ZZZ3: variants seen among roughly 807,000 people sequenced by gnomAD.
ZZZ3 encodes the protein ZZ-type zinc finger-containing protein 3.
Under a neutral mutation model 95.2 loss-of-function variants are expected in ZZZ3, and 22 were observed. The ratio of observed to expected loss-of-function variants is 0.23; its 90% CI spans 0.17 to 0.33. The LOEUF is 0.33. Ranked by LOEUF, ZZZ3 falls within the 10% of genes least tolerant of loss-of-function variation. The probability of loss-of-function intolerance (pLI) is 1.00; values close to 1 mark genes in which losing one functional copy is unlikely to be tolerated. For missense variants in ZZZ3, 885 were observed against 1,066.5 expected (o/e 0.83, Z 2.37); for synonymous variants, 335 against 358.9 (o/e 0.93, Z 0.75).
At chr1:77,657,168 G>A (rs748958876) in intron 1 of ZZZ3, among the ~76,000 whole-genome samples, 3 of 152,088 alleles carry the variant, frequency 2.0e-5, no homozygotes, top group Non-Finnish European at 4.4e-5. Flanking sequence ...TTTTAGTAGA[G>A]ATGGGGTTTC....
At chr1:77,612,550 C>CA (rs1352687187) in intron 5 of ZZZ3, among the ~76,000 whole-genome samples, 1 of 152,026 alleles carries the variant, frequency 6.6e-6, no homozygotes, top group Non-Finnish European at 1.5e-5. Context: ...TGTCCATTGA[C>CA]AGACAACGGA....
chr1:77,635,401 TCAGAACTTAGAAA>T (rs1668204370), intron 4 of ZZZ3, among the ~76,000 whole-genome samples: 1 of 152,140 alleles, frequency 6.6e-6, no homozygotes, highest in African/African-American at 2.4e-5. Context: ...AAGACACAAA[TCAGAACTTAGAAA>T]CACATTTCTT....
chr1:77,670,355 G>C (rs531242301), intron 1 of ZZZ3, among the ~76,000 whole-genome samples: 1 of 151,986 alleles, frequency 6.6e-6, no homozygotes, highest in East Asian at 1.9e-4. Context: ...CGCCTCCTGG[G>C]TTCAAGCGAT....
chr1:77,592,978 T>C (rs1663864535), intron 5 of ZZZ3, among the ~76,000 whole-genome samples: 2 of 152,144 alleles, frequency 1.3e-5, no homozygotes, highest in South Asian at 4.1e-4. Flanking sequence ...TTGGGGCACT[T>C]TTGCCTGGAG....
intron 1 of ZZZ3, among the ~76,000 whole-genome samples, chr1:77,671,904 CTAT>C (rs1412777022): frequency 6.6e-6 from 1 of 151,342 alleles, no homozygotes; most frequent in African/African-American, 2.4e-5. Flanking sequence ...CAGATATATA[CTAT>C]GTTTTTTCAA....
At chr1:77,666,256 C>T (rs1212365891) in intron 1 of ZZZ3, among the ~76,000 whole-genome samples, 1 of 150,452 alleles carries the variant, frequency 6.6e-6, no homozygotes, top group African/African-American at 2.4e-5. Flanking sequence ...CATTCTGGCA[C>T]GTTGGCTTAT....
intron 12 of ZZZ3, among the ~76,000 whole-genome samples, chr1:77,574,802 T>G (rs1295937600): frequency 6.6e-6 from 1 of 152,204 alleles, no homozygotes; most frequent in African/African-American, 2.4e-5. Context: ...TAAATACATT[T>G]AGGGCCAATA....
At chr1:77,619,104 T>A (rs1267432672) in intron 5 of ZZZ3, among the ~76,000 whole-genome samples, 1 of 152,162 alleles carries the variant, frequency 6.6e-6, no homozygotes, top group East Asian at 1.9e-4. Flanking sequence ...ATTTCCCTAC[T>A]CCAGAATTTT....
chr1:77,664,349 G>A (rs905300752), intron 1 of ZZZ3, among the ~76,000 whole-genome samples: 6 of 152,016 alleles, frequency 3.9e-5, no homozygotes, highest in African/African-American at 1.4e-4. Flanking sequence ...TTCCTCAAAG[G>A]CCAATTCAAT....
intron 1 of ZZZ3, among the ~76,000 whole-genome samples, chr1:77,668,647 C>CAAA (rs34195679): frequency 1.2e-4 from 13 of 107,912 alleles, no homozygotes; most frequent in African/African-American, 2.8e-4. Flanking sequence ...GACCCTGTCT[C>CAAA]AAAAAAAAAA....
chr1:77,602,344 A>C (rs1037471944), intron 5 of ZZZ3, among the ~76,000 whole-genome samples: 2 of 152,198 alleles, frequency 1.3e-5, no homozygotes, highest in Non-Finnish European at 2.9e-5. Flanking sequence ...CTATGTATTT[A>C]TCTCTCAATT....
At chr1:77,628,151 A>C (rs532273101) in intron 5 of ZZZ3, among the ~76,000 whole-genome samples, 2 of 152,358 alleles carry the variant, frequency 1.3e-5, no homozygotes, top group African/African-American at 4.8e-5. Flanking sequence ...CGAAACAGAA[A>C]GGGCAATCAC....
intron 5 of ZZZ3, among the ~76,000 whole-genome samples, chr1:77,585,485 C>T (rs1662995033): frequency 1.3e-5 from 2 of 152,090 alleles, no homozygotes. Context: ...CCCAAAGCTC[C>T]GAATGCTCAA....
At chr1:77,668,113 A>G (rs917120602) in intron 1 of ZZZ3, among the ~76,000 whole-genome samples, 1 of 152,060 alleles carries the variant, frequency 6.6e-6, no homozygotes, top group Non-Finnish European at 1.5e-5. Context: ...TTTACTTATG[A>G]GGAAGTCATA....
chr1:77,632,915 CTCT>C lies in ZZZ3; in HGVS notation c.437_439del (p.Gln146del), dbSNP rs375903962. 3 of 1,614,138 alleles carry C rather than the reference CTCT, an allele frequency of 1.9e-6. No individual in the cohort carries two copies. The highest frequency in any genetic ancestry group is 2.7e-5 in the African/African-American group (2 of 75,042). On this transcript the variant is annotated inframe_deletion, in exon 5 of 15. Coordinates refer to ENST00000370801, the MANE Select transcript of ZZZ3 (RefSeq NM_015534.6). Reference sequence around the variant, plus strand: ...TGCATCATTGTCCACTACTGTACTCCTCTGTTCTACTGACTCCTTGTCTGATTT... The same window carrying C: ...TGCATCATTGTCCACTACTGTACTCCGTTCTACTGACTCCTTGTCTGATTT...
chr1:77,598,680 T>C (rs969084313), intron 5 of ZZZ3, among the ~76,000 whole-genome samples: 5 of 152,174 alleles, frequency 3.3e-5, no homozygotes, highest in Admixed American at 2.0e-4. Flanking sequence ...CATTAAGACA[T>C]AGTGCAATCA....
intron 8 of ZZZ3, among the ~76,000 whole-genome samples, 175 bp downstream of exon 8, chr1:77,581,601 G>GTCTA (rs1662537257): frequency 6.6e-6 from 1 of 152,178 alleles, no homozygotes; most frequent in Non-Finnish European, 1.5e-5. Context: ...GATGTCTGAA[G>GTCTA]GTTCACGGCT....
chr1:77,616,989 T>C (rs1007417681), intron 5 of ZZZ3, among the ~76,000 whole-genome samples: 2 of 152,212 alleles, frequency 1.3e-5, no homozygotes, highest in African/African-American at 2.4e-5. Context: ...AAATATATGT[T>C]ATAATGTATT....
intron 5 of ZZZ3, 97 bp downstream of exon 5, chr1:77,631,753 T>A: frequency 9.8e-7 from 1 of 1,016,708 alleles, no homozygotes; most frequent in Non-Finnish European, 1.4e-6. Context: ...AGTGAAAACA[T>A]TAATTTTGGC....
Sources: gnomAD v4.1 joint callset for allele counts (sites outside exome capture counted in the v4.1 genomes callset) on GRCh38, gnomAD v4.1.1 for gene constraint, MANE v1.5 for transcripts, NCBI Gene and HGNC (gene_info 2026-07-23, HGNC 2026-07-21) for gene names.